TENM3: variants seen among roughly 807,000 people sequenced by gnomAD.
The protein encoded by TENM3 is teneurin transmembrane protein 3.
Under a neutral mutation model 255.1 loss-of-function variants are expected in TENM3, and 63 were observed. The ratio of observed to expected loss-of-function variants is 0.25; its 90% CI spans 0.20 to 0.30. The LOEUF (loss-of-function observed/expected upper bound fraction) is 0.30, where lower values mean the gene tolerates loss of function less well. TENM3 is among the 10% of genes least tolerant of loss of function. The pLI is 1.00. For synonymous variants in TENM3, 1,306 were observed against 1,322.3 expected (o/e 0.99, Z 0.27); for missense variants, 2,929 against 3,461.1 (o/e 0.85, Z 3.86).
the TENM3 span, among the ~76,000 whole-genome samples, chr4:182,086,638 T>C: frequency 6.6e-6 from 1 of 152,204 alleles, no homozygotes; most frequent in Non-Finnish European, 1.5e-5. Flanking sequence ...TCAACTATCT[T>C]TGAGTTTGCT....
chr4:181,705,079 C>A, the TENM3 span, among the ~76,000 whole-genome samples: 2 of 151,528 alleles, frequency 1.3e-5, no homozygotes, highest in South Asian at 4.2e-4. Context: ...AAAGGAGAGA[C>A]CCCCATCTCT....
At chr4:182,530,192 T>G (rs1429036674) in intron 3 of TENM3, among the ~76,000 whole-genome samples, 1 of 152,196 alleles carries the variant, frequency 6.6e-6, no homozygotes, top group Non-Finnish European at 1.5e-5. Context: ...AAAAAAATAT[T>G]AGGCATTGAA....
chr4:182,641,715 C>T (rs896232440), intron 5 of TENM3, among the ~76,000 whole-genome samples: 7 of 152,024 alleles, frequency 4.6e-5, no homozygotes, highest in African/African-American at 1.7e-4. Context: ...GTAGCAGAGG[C>T]GGCGTTTTGC....
chr4:181,641,810 A>G, the TENM3 span, among the ~76,000 whole-genome samples: 1 of 69,726 alleles, frequency 1.4e-5, no homozygotes, highest in Non-Finnish European at 2.9e-5. Flanking sequence ...CACACCATAT[A>G]TATATATATA....
intron 24 of TENM3, among the ~76,000 whole-genome samples, chr4:182,779,194 C>T (rs905721788): frequency 1.3e-5 from 2 of 151,820 alleles, no homozygotes; most frequent in East Asian, 3.9e-4. Context: ...TCTCCCAATG[C>T]TATCCCTCCC....
At chr4:181,969,499 G>T in the TENM3 span, among the ~76,000 whole-genome samples, 27 of 152,210 alleles carry the variant, frequency 1.8e-4, no homozygotes, top group African/African-American at 6.5e-4. Context: ...TTTTGCCACC[G>T]CAATATGCAT....
chr4:182,037,162 T>G, the TENM3 span, among the ~76,000 whole-genome samples: 1 of 151,948 alleles, frequency 6.6e-6, no homozygotes, highest in African/African-American at 2.4e-5. Context: ...TTTTTTTTTT[T>G]TGTGACACGG....
intron 3 of TENM3, among the ~76,000 whole-genome samples, chr4:182,557,642 G>T (rs1742704447): frequency 6.6e-6 from 1 of 152,078 alleles, no homozygotes; most frequent in African/African-American, 2.4e-5. Context: ...TGCTTAAATA[G>T]AAGCCACAGG....
chr4:181,502,762 T>C, the TENM3 span, among the ~76,000 whole-genome samples: 1 of 152,032 alleles, frequency 6.6e-6, no homozygotes, highest in Admixed American at 6.6e-5. Flanking sequence ...GGGGAGCAGT[T>C]AGCATTTGCC....
the TENM3 span, among the ~76,000 whole-genome samples, chr4:181,845,198 G>A: frequency 1.3e-5 from 2 of 152,074 alleles, no homozygotes; most frequent in African/African-American, 4.8e-5. Flanking sequence ...TTGAGACTAT[G>A]TTTTAGTAAG....
chr4:182,347,656 G>T (rs924820998), intron 3 of TENM3, among the ~76,000 whole-genome samples: 2 of 152,034 alleles, frequency 1.3e-5, no homozygotes, highest in Non-Finnish European at 2.9e-5. Context: ...TATTGCCAAT[G>T]CGGGATGATT....
the TENM3 span, among the ~76,000 whole-genome samples, chr4:182,100,750 CATATATATACACATATATATACACAT>C: frequency 2.7e-5 from 2 of 74,238 alleles, no homozygotes; most frequent in African/African-American, 1.0e-4. Context: ...TATATACACA[CATATATATACACATATATATACACAT>C]ATATATACAC....
At chr4:181,508,771 A>G in the TENM3 span, among the ~76,000 whole-genome samples, 1 of 152,048 alleles carries the variant, frequency 6.6e-6, no homozygotes, top group East Asian at 1.9e-4. Flanking sequence ...ATGTCATCCC[A>G]CTGATGCCAG....
chr4:182,678,725 T>A (rs1387932947), intron 7 of TENM3, among the ~76,000 whole-genome samples: 3 of 152,214 alleles, frequency 2.0e-5, no homozygotes, highest in African/African-American at 7.2e-5. Context: ...GAGTAAGGAT[T>A]CAACAGTAGT....
chr4:181,693,965 C>A, the TENM3 span, among the ~76,000 whole-genome samples: 2 of 152,126 alleles, frequency 1.3e-5, no homozygotes, highest in African/African-American at 4.8e-5. Context: ...AACACAAAAT[C>A]TGTAGTCAGA....
At chr4:182,690,005 G>T (rs763946189) in intron 12 of TENM3, among the ~76,000 whole-genome samples, 23 of 152,172 alleles carry the variant, frequency 1.5e-4, no homozygotes, top group Non-Finnish European at 3.2e-4. Context: ...TTCTCCAGGA[G>T]GTATCCTCTG....
At chr4:182,342,993 CT>C (rs746153085) in intron 2 of TENM3, among the ~76,000 whole-genome samples, 6 of 152,202 alleles carry the variant, frequency 3.9e-5, no homozygotes, top group Non-Finnish European at 7.3e-5. Context: ...AAAGAGGGAG[CT>C]GTGCTATGTG....
chr4:182,422,561 C>T (rs559878646), intron 3 of TENM3, among the ~76,000 whole-genome samples: 13 of 152,224 alleles, frequency 8.5e-5, no homozygotes, highest in African/African-American at 2.6e-4. Flanking sequence ...GGGAAGGTCC[C>T]AAGAAACCAA....
chr4:181,620,644 A>G, the TENM3 span, among the ~76,000 whole-genome samples: 1 of 151,392 alleles, frequency 6.6e-6, no homozygotes, highest in African/African-American at 2.4e-5. Flanking sequence ...TGAGGAGAAA[A>G]GATTCTCACA....
Sources: gnomAD v4.1 joint callset for allele counts (sites outside exome capture counted in the v4.1 genomes callset) on GRCh38, gnomAD v4.1.1 for gene constraint, MANE v1.5 for transcripts, NCBI Gene and HGNC (gene_info 2026-07-23, HGNC 2026-07-21) for gene names.